The following EPHA6 variants were observed in gnomAD, a reference collection of about 807,000 sequenced individuals.
EPHA6 encodes the protein ephrin type-A receptor 6.
Under a neutral mutation model 112.0 loss-of-function variants are expected in EPHA6, and 50 were observed. The ratio of observed to expected loss-of-function variants is 0.45; its 90% CI spans 0.36 to 0.56. The LOEUF (loss-of-function observed/expected upper bound fraction) is 0.56, where lower values mean the gene tolerates loss of function less well. Among genes scored for constraint, EPHA6 ranks in the 20% least tolerant of loss-of-function variants. The probability of loss-of-function intolerance (pLI) is 0.00; values close to 1 mark genes in which losing one functional copy is unlikely to be tolerated. For synonymous variants in EPHA6, 529 were observed against 490.7 expected (o/e 1.08, Z -1.03); for missense variants, 1,280 against 1,417.4 (o/e 0.90, Z 1.56).
chr3:97,195,684 G>C (rs1160052525), intron 3 of EPHA6, among the ~76,000 whole-genome samples: 2 of 151,998 alleles, frequency 1.3e-5, no homozygotes, highest in Non-Finnish European at 2.9e-5. Context: ...TGGTGTTGAT[G>C]AAATACCTCA....
At chr3:97,647,579 T>C (rs1037889088) in intron 14 of EPHA6, among the ~76,000 whole-genome samples, 6 of 152,158 alleles carry the variant, frequency 3.9e-5, no homozygotes, top group African/African-American at 1.4e-4. Context: ...AAAGCACTTA[T>C]GAGAGATTAG....
intron 3 of EPHA6, among the ~76,000 whole-genome samples, chr3:97,214,315 C>T (rs1296124388): frequency 2.0e-5 from 3 of 151,962 alleles, no homozygotes; most frequent in South Asian, 2.1e-4. Context: ...ATAGGGATTA[C>T]AGTCTTGAGC....
chr3:97,502,874 A>G (rs1185306338), intron 10 of EPHA6, among the ~76,000 whole-genome samples: 2 of 141,658 alleles, frequency 1.4e-5, no homozygotes, highest in South Asian at 2.3e-4. Flanking sequence ...AACATAGTGG[A>G]TTATTATGCA....
chr3:97,261,814 T>C (rs531224730), intron 5 of EPHA6, among the ~76,000 whole-genome samples: 1 of 152,264 alleles, frequency 6.6e-6, no homozygotes, highest in Admixed American at 6.5e-5. Context: ...CCCAATGAGA[T>C]GCTACTATTG....
intron 1 of EPHA6, among the ~76,000 whole-genome samples, chr3:96,841,682 G>C (rs1001441416): frequency 1.3e-5 from 2 of 151,784 alleles, no homozygotes; most frequent in African/African-American, 4.9e-5. Context: ...CAGTTTGAGA[G>C]AGAAATCAAG....
intron 14 of EPHA6, among the ~76,000 whole-genome samples, chr3:97,655,713 A>G: frequency 7.3e-6 from 1 of 136,416 alleles, no homozygotes; most frequent in Non-Finnish European, 1.5e-5. Flanking sequence ...ATGAGAACAC[A>G]TGGACACAGG....
intron 11 of EPHA6, among the ~76,000 whole-genome samples, chr3:97,585,289 T>G (rs948268261): frequency 2.0e-5 from 3 of 152,334 alleles, no homozygotes; most frequent in Non-Finnish European, 4.4e-5. Flanking sequence ...AGAACTTCTA[T>G]TTTAAATACA....
chr3:96,830,916 A>G (rs2034029741), intron 1 of EPHA6, among the ~76,000 whole-genome samples: 2 of 152,064 alleles, frequency 1.3e-5, no homozygotes, highest in South Asian at 4.1e-4. Context: ...TGCACAAGTG[A>G]TAACTATGGA....
chr3:96,911,093 A>T (rs1380350194), intron 2 of EPHA6, among the ~76,000 whole-genome samples: 9 of 152,120 alleles, frequency 5.9e-5, no homozygotes, highest in Non-Finnish European at 1.3e-4. Flanking sequence ...GATGGCTATT[A>T]TAGTAAAATA....
chr3:97,447,692 C>T (rs1317658965), intron 6 of EPHA6: 1 of 851,962 alleles, frequency 1.2e-6, no homozygotes, highest in Non-Finnish European at 1.4e-6. Flanking sequence ...GCAAGAGAGA[C>T]CATGTAACAA....
intron 12 of EPHA6, among the ~76,000 whole-genome samples, chr3:97,593,359 G>C (rs1291294952): frequency 6.6e-6 from 1 of 152,116 alleles, no homozygotes; most frequent in East Asian, 1.9e-4. Flanking sequence ...TCCATGGCAT[G>C]ATTGTAATTA....
chr3:97,700,652 A>C (rs987531971), intron 14 of EPHA6, among the ~76,000 whole-genome samples: 1 of 152,220 alleles, frequency 6.6e-6, no homozygotes, highest in African/African-American at 2.4e-5. Flanking sequence ...TTAAGGTACA[A>C]CACCACCTAG....
At chr3:97,385,355 C>A (rs2085998085) in intron 5 of EPHA6, among the ~76,000 whole-genome samples, 1 of 152,028 alleles carries the variant, frequency 6.6e-6, no homozygotes, top group Non-Finnish European at 1.5e-5. Flanking sequence ...ACATTAAATG[C>A]ATATCAAGAT....
chr3:96,972,086 C>T (rs2042335737), intron 2 of EPHA6, among the ~76,000 whole-genome samples: 1 of 151,978 alleles, frequency 6.6e-6, no homozygotes, highest in Admixed American at 6.6e-5. Flanking sequence ...GTGTATTAAT[C>T]ATCTACCAGT....
chr3:97,589,528 TA>T (rs2093523730), intron 11 of EPHA6, among the ~76,000 whole-genome samples: 1 of 151,550 alleles, frequency 6.6e-6, no homozygotes, highest in Non-Finnish European at 1.5e-5. Context: ...TTTTGAGAAA[TA>T]ATTTTTTTTC....
chr3:96,966,614 AG>A (rs1476091047), intron 2 of EPHA6, among the ~76,000 whole-genome samples: 3 of 152,054 alleles, frequency 2.0e-5, no homozygotes, highest in Admixed American at 1.3e-4. Context: ...GTAGTAAATA[AG>A]GTTGTTATGT....
At chr3:97,236,255 C>A (rs563017949) in intron 4 of EPHA6, among the ~76,000 whole-genome samples, 1 of 151,494 alleles carries the variant, frequency 6.6e-6, no homozygotes, top group African/African-American at 2.4e-5. Context: ...GTTGGAGAAA[C>A]AAAGTAGGCA....
intron 13 of EPHA6, among the ~76,000 whole-genome samples, chr3:97,633,539 G>C (rs557549488): frequency 1.3e-5 from 2 of 151,800 alleles, no homozygotes. Flanking sequence ...AATATTTATC[G>C]AGTGCTAACA....
intron 3 of EPHA6, among the ~76,000 whole-genome samples, chr3:97,028,173 G>A (rs1378578580): frequency 6.6e-6 from 1 of 152,108 alleles, no homozygotes; most frequent in Non-Finnish European, 1.5e-5. Context: ...TATATAGAGA[G>A]GAGAAACCCA....
Sources: gnomAD v4.1 joint callset for allele counts (sites outside exome capture counted in the v4.1 genomes callset) on GRCh38, gnomAD v4.1.1 for gene constraint, MANE v1.5 for transcripts, NCBI Gene and HGNC (gene_info 2026-07-23, HGNC 2026-07-21) for gene names.